RTKN2: variants seen among roughly 807,000 people sequenced by gnomAD.
RTKN2 encodes rhotekin 2.
RTKN2 carries 69 observed loss-of-function variants against 71.5 expected under a neutral mutation model. That is an observed-to-expected ratio of 0.96 (90% CI 0.79 to 1.18). RTKN2 has a LOEUF of 1.18. RTKN2 is among the 50% of genes most tolerant of loss of function. The pLI, the probability that RTKN2 is intolerant of heterozygous loss-of-function variation, is 0.00. For synonymous variants in RTKN2, 236 were observed against 236.5 expected (o/e 1.00, Z 0.02); for missense variants, 724 against 719.7 (o/e 1.01, Z -0.07).
chr10:62,229,803 G>A (rs1370023871), intron 6 of RTKN2, among the ~76,000 whole-genome samples: 1 of 152,170 alleles, frequency 6.6e-6, no homozygotes, highest in Admixed American at 6.5e-5. Context: ...AGAAATGATT[G>A]TGACTAAGAC....
chr10:62,233,657 A>C (rs1842197433), intron 6 of RTKN2, among the ~76,000 whole-genome samples: 1 of 152,144 alleles, frequency 6.6e-6, no homozygotes, highest in Non-Finnish European at 1.5e-5. Flanking sequence ...ACTTCATAAA[A>C]TCTATCTGCT....
At chr10:62,212,012 A>T (rs1484952615) in intron 9 of RTKN2, among the ~76,000 whole-genome samples, 2 of 152,170 alleles carry the variant, frequency 1.3e-5, no homozygotes, top group Non-Finnish European at 2.9e-5. Context: ...CTGCTGTATC[A>T]GAAAATACCA....
At chr10:62,260,208 T>C (rs1395192016) in intron 2 of RTKN2, among the ~76,000 whole-genome samples, 1 of 152,226 alleles carries the variant, frequency 6.6e-6, no homozygotes, top group Non-Finnish European at 1.5e-5. Flanking sequence ...TATACAATAT[T>C]GTCATATTTT....
intron 9 of RTKN2, among the ~76,000 whole-genome samples, chr10:62,214,564 T>C (rs902258015): frequency 3.9e-5 from 6 of 152,140 alleles, no homozygotes; most frequent in Non-Finnish European, 8.8e-5. Flanking sequence ...TCAGGCCATA[T>C]AAACATTGTC....
chr10:62,230,253 CCTCT>C (rs1842120850), intron 6 of RTKN2, among the ~76,000 whole-genome samples: 1 of 152,118 alleles, frequency 6.6e-6, no homozygotes, highest in Non-Finnish European at 1.5e-5. Flanking sequence ...CTCACTGCAA[CCTCT>C]GCCTCCTGCG....
chr10:62,260,367 C>G lies in RTKN2; in HGVS notation c.257+2258G>C, dbSNP rs553619696. ...TCTTCAAGTCATTTTTGTGTAATAA[C>G]AAAGCAATTATAATTTCTAGTTATA... On this transcript the variant is annotated intron_variant, in intron 2 of 11. Coordinates refer to ENST00000373789, the MANE Select transcript of RTKN2 (RefSeq NM_145307.4). Among the ~76,000 whole-genome samples, 40 of 152,066 alleles carry G rather than the reference C, an allele frequency of 2.6e-4. 1 individual carries two copies. In the South Asian group the frequency reaches 8.1e-3, roughly 31 times the overall value.
chr10:62,188,610 C>T (rs34091652), downstream of RTKN2, among the ~76,000 whole-genome samples: 11,749 of 152,100 alleles, frequency 0.077, 612 homozygotes, highest in South Asian at 0.25. Flanking sequence ...CCCATATCCG[C>T]GGAGCCCAAT....
intron 6 of RTKN2, among the ~76,000 whole-genome samples, chr10:62,233,393 T>C (rs898786932): frequency 1.3e-5 from 2 of 152,150 alleles, no homozygotes; most frequent in African/African-American, 4.8e-5. Flanking sequence ...ATCCTTGATA[T>C]AATATTAATG....
chr10:62,204,599 T>G (rs560952338), intron 10 of RTKN2, among the ~76,000 whole-genome samples: 1 of 152,312 alleles, frequency 6.6e-6, no homozygotes, highest in South Asian at 2.1e-4. Flanking sequence ...GAATATGGTC[T>G]GGTTGTTTTA....
chr10:62,251,362 G>A (rs1842578204), intron 2 of RTKN2, among the ~76,000 whole-genome samples: 1 of 152,160 alleles, frequency 6.6e-6, no homozygotes, highest in African/African-American at 2.4e-5. Flanking sequence ...AGGGGTGTAT[G>A]TATAGGAAAA....
chr10:62,262,842 G>A (rs375944168), intron 1 of RTKN2, 21 bp from the exon 2 acceptor site: 2 of 1,554,186 alleles, frequency 1.3e-6, no homozygotes, highest in South Asian at 2.3e-5. Flanking sequence ...AATGCATCTT[G>A]AAAATATAGC....
At chr10:62,206,404 G>A (rs1841550195) in intron 9 of RTKN2, among the ~76,000 whole-genome samples, 1 of 152,098 alleles carries the variant, frequency 6.6e-6, no homozygotes, top group Admixed American at 6.6e-5. Context: ...AGAAGTAGCA[G>A]GGTTAGGAAG....
chr10:62,184,183 T>A (rs1357190759), exon 9 of RTKN2: 1 of 574,002 alleles, frequency 1.7e-6, no homozygotes, highest in Non-Finnish European at 3.1e-6. Flanking sequence ...CACTATTATG[T>A]GTCAGGTGCC....
chr10:62,256,989 TCCTATTAAATTCTAAGC>T (rs1191227908), intron 2 of RTKN2, among the ~76,000 whole-genome samples: 1 of 152,092 alleles, frequency 6.6e-6, no homozygotes, highest in African/African-American at 2.4e-5. Flanking sequence ...TATAATTAAC[TCCTATTAAATTCTAAGC>T]CCTATTTGCT....
Position 62,195,673 on chromosome 10 carries a change from A to G in RTKN2, c.*2235T>C. 1.0e-6 allele frequency: 1 copy of G among 975,362 alleles called. No individual in the cohort carries two copies. Among genetic ancestry groups the G allele is most frequent in the Non-Finnish European group, 1.2e-6 (1 of 822,448 alleles). The allele number at this position is 975,362 out of a possible 1,614,324, so 60.4% of individuals were successfully genotyped here. ...AAGGAAGGAAGGAAGGAAGGAAGGA[A>G]ACCAACTCTGTATTATAACTACACT... On this transcript the variant is annotated 3_prime_UTR_variant, in exon 12 of 12. Coordinates refer to ENST00000373789, the MANE Select transcript of RTKN2 (RefSeq NM_145307.4).
At chr10:62,223,199 C>T (rs368861963) in intron 7 of RTKN2, 39 bp downstream of exon 7, 1 of 1,160,424 alleles carries the variant, frequency 8.6e-7, no homozygotes, top group Non-Finnish European at 1.3e-6. Context: ...GAAATATAGA[C>T]AGAATATATG....
intron 9 of RTKN2, among the ~76,000 whole-genome samples, chr10:62,206,118 G>A (rs1475669756): frequency 1.3e-5 from 2 of 152,088 alleles, no homozygotes; most frequent in Non-Finnish European, 2.9e-5. Flanking sequence ...AATCCAGTTT[G>A]TATTTTACAC....
intron 9 of RTKN2, among the ~76,000 whole-genome samples, chr10:62,213,623 G>A (rs1841706258): frequency 6.6e-6 from 1 of 151,924 alleles, no homozygotes; most frequent in African/African-American, 2.4e-5. Flanking sequence ...ATATATGAAA[G>A]GTCCCTATTT....
chr10:62,210,089 G>T (rs1382581907), intron 9 of RTKN2, among the ~76,000 whole-genome samples: 1 of 152,050 alleles, frequency 6.6e-6, no homozygotes, highest in Non-Finnish European at 1.5e-5. Flanking sequence ...AACAATGTAT[G>T]AGCATTCCTT....
Sources: allele counts gnomAD v4.1 joint callset (sites outside exome capture counted in the v4.1 genomes callset), GRCh38; gene constraint gnomAD v4.1.1; transcripts MANE v1.5; gene names NCBI Gene and HGNC (gene_info 2026-07-23, HGNC 2026-07-21).